FUT9: variants seen among roughly 807,000 people sequenced by gnomAD.
The protein encoded by FUT9 is 4-galactosyl-N-acetylglucosaminide 3-alpha-L-fucosyltransferase 9.
FUT9 carries 15 observed loss-of-function variants against 29.7 expected under a neutral mutation model. That is an observed-to-expected ratio of 0.51 (90% CI 0.34 to 0.78). The LOEUF (loss-of-function observed/expected upper bound fraction) is 0.78. Ranked by LOEUF, FUT9 falls within the 30% of genes least tolerant of loss-of-function variation. FUT9 has a pLI of 0.01. For missense variants in FUT9, 319 were observed against 425.4 expected, an observed-to-expected ratio of 0.75 and a Z score of 2.20; for synonymous variants, 169 against 153.7, an observed-to-expected ratio of 1.10 and a Z score of -0.74.
chr6:96,029,048 G>A lies in FUT9; in HGVS notation c.-98+12836G>A, dbSNP rs543612431. ...CTTTTGTTAAACCTGTTGTAAAACCGAGTTCACCAGGCAAACAAATATCTA... is the reference window on the plus strand; with the variant it reads ...CTTTTGTTAAACCTGTTGTAAAACCAAGTTCACCAGGCAAACAAATATCTA... On this transcript the variant is annotated intron_variant, in intron 1 of 2. Transcript: ENST00000302103. Among the ~76,000 whole-genome samples, 11 of 151,516 alleles carry A rather than the reference G, an allele frequency of 7.3e-5. No homozygotes were observed. In the South Asian group the frequency reaches 2.3e-3, roughly 31 times the overall value.
intron 1 of FUT9, among the ~76,000 whole-genome samples, chr6:96,075,471 A>C (rs1024738594): frequency 6.6e-6 from 1 of 152,170 alleles, no homozygotes; most frequent in Non-Finnish European, 1.5e-5. Context: ...TTTCCTGACA[A>C]ATATATATGT....
intron 1 of FUT9, among the ~76,000 whole-genome samples, chr6:96,060,131 T>G (rs185561420): frequency 9.8e-5 from 15 of 152,354 alleles, no homozygotes; most frequent in African/African-American, 3.6e-4. Flanking sequence ...CCTAATTATC[T>G]AAACACAAGG....
chr6:96,100,653 A>T (rs1048595170), intron 1 of FUT9, among the ~76,000 whole-genome samples: 10 of 152,204 alleles, frequency 6.6e-5, no homozygotes, highest in Non-Finnish European at 1.2e-4. Flanking sequence ...GTGAGGAGTG[A>T]TGATCGATAA....
At chr6:96,171,259 G>A (rs951943253) in intron 2 of FUT9, among the ~76,000 whole-genome samples, 3 of 152,168 alleles carry the variant, frequency 2.0e-5, no homozygotes, top group African/African-American at 4.8e-5. Flanking sequence ...CCCGCATTTG[G>A]ATGAGAGTGA....
chr6:96,201,620 C>T (rs1438072706), intron 2 of FUT9, among the ~76,000 whole-genome samples: 7 of 151,936 alleles, frequency 4.6e-5, no homozygotes. Context: ...CCTTCAGTGT[C>T]ATTTAATGTC....
At chr6:96,036,093 TATA>T (rs901651885) in intron 1 of FUT9, among the ~76,000 whole-genome samples, 50 of 143,718 alleles carry the variant, frequency 3.5e-4, no homozygotes, top group African/African-American at 1.0e-3. Flanking sequence ...TAAAATATAA[TATA>T]ATATTTAATA....
intron 2 of FUT9, among the ~76,000 whole-genome samples, chr6:96,165,174 G>C (rs1331352424): frequency 1.3e-5 from 2 of 152,196 alleles, no homozygotes; most frequent in Non-Finnish European, 2.9e-5. Context: ...GTTCACACCT[G>C]TAATCCCAGC....
rs2127992482 is a variant in FUT9, at chr6:96,206,712, T to G, written c.*2477T>G. 2 of 165,766 alleles carry G rather than the reference T, an allele frequency of 1.2e-5. 1 individual carries two copies. The highest frequency in any genetic ancestry group is 6.7e-3 in the Middle Eastern group (2 of 298). The allele number at this position is 165,766 out of a possible 1,614,324, so 10.3% of individuals were successfully genotyped here. The stretch of plus-strand genomic sequence containing the variant: ...CCTGACCTCAAATGATCCACTTGCC[T>G]CAGCCTCCCAAAGTGCTGGGATTAC... On this transcript the variant is annotated 3_prime_UTR_variant, in exon 3 of 3. Transcript: ENST00000302103.
intron 2 of FUT9, among the ~76,000 whole-genome samples, chr6:96,133,892 T>A (rs925560605): frequency 1.2e-4 from 18 of 151,862 alleles, no homozygotes; most frequent in African/African-American, 4.3e-4. Flanking sequence ...AACTATCGAA[T>A]AAGGATAGTT....
chr6:96,073,946 A>G (rs1032123479), intron 1 of FUT9, among the ~76,000 whole-genome samples: 3 of 152,164 alleles, frequency 2.0e-5, no homozygotes, highest in Non-Finnish European at 2.9e-5. Context: ...TTCCATTTAG[A>G]TTTTCAGTAT....
chr6:96,058,468 CAAAAAAA>C (rs3079049), intron 1 of FUT9, among the ~76,000 whole-genome samples: 49 of 77,174 alleles, frequency 6.3e-4, no homozygotes, highest in Non-Finnish European at 2.3e-4. Flanking sequence ...GGCTTTATTC[CAAAAAAA>C]AAAAAAAAAA....
intron 1 of FUT9, among the ~76,000 whole-genome samples, chr6:96,083,710 T>G (rs1461543298): frequency 6.6e-6 from 1 of 152,060 alleles, no homozygotes; most frequent in African/African-American, 2.4e-5. Flanking sequence ...TGATCTGAGC[T>G]TTGACTGCCA....
intron 2 of FUT9, among the ~76,000 whole-genome samples, chr6:96,200,231 G>A (rs1430988568): frequency 1.3e-5 from 2 of 152,104 alleles, no homozygotes; most frequent in Non-Finnish European, 2.9e-5. Flanking sequence ...AGATACCCTT[G>A]TTAAAAGAAA....
chr6:96,080,270 T>G (rs1483393023), intron 1 of FUT9, among the ~76,000 whole-genome samples: 1 of 152,002 alleles, frequency 6.6e-6, no homozygotes, highest in Non-Finnish European at 1.5e-5. Context: ...AATGGTTATT[T>G]GTAAGAGGAT....
At chr6:96,021,586 C>T (rs1770069734) in intron 1 of FUT9, among the ~76,000 whole-genome samples, 4 of 151,910 alleles carry the variant, frequency 2.6e-5, no homozygotes, top group Admixed American at 1.3e-4. Context: ...AGTTAGACAA[C>T]CTTAAAAGGT....
chr6:96,108,745 T>C (rs1341998849), intron 1 of FUT9, among the ~76,000 whole-genome samples: 2 of 152,222 alleles, frequency 1.3e-5, no homozygotes, highest in African/African-American at 2.4e-5. Context: ...GTATTCACTT[T>C]GCATAACCTA....
intron 1 of FUT9, among the ~76,000 whole-genome samples, chr6:96,074,508 C>T (rs1771112157): frequency 6.6e-6 from 1 of 152,102 alleles, no homozygotes; most frequent in South Asian, 2.1e-4. Context: ...TCTGGCATGT[C>T]CCTTTTCTTC....
At chr6:96,179,181 A>C (rs1360625601) in intron 2 of FUT9, among the ~76,000 whole-genome samples, 1 of 152,164 alleles carries the variant, frequency 6.6e-6, no homozygotes, top group Admixed American at 6.6e-5. Flanking sequence ...CAAACCAAGA[A>C]AAAAACTATC....
chr6:96,067,051 T>C (rs1770973997), intron 1 of FUT9, among the ~76,000 whole-genome samples: 1 of 151,840 alleles, frequency 6.6e-6, no homozygotes, highest in African/African-American at 2.4e-5. Context: ...TATTGTATAT[T>C]GTTAAGGTTA....
Sources: allele counts gnomAD v4.1 joint callset (sites outside exome capture counted in the v4.1 genomes callset), GRCh38; gene constraint gnomAD v4.1.1; transcripts MANE v1.5; gene names NCBI Gene and HGNC (gene_info 2026-07-23, HGNC 2026-07-21).